HDAC9: variants seen among roughly 807,000 people sequenced by gnomAD.
HDAC9 encodes the protein MEF-2 interacting transcription repressor (MITR) protein.
A neutral mutation model predicts 139.4 loss-of-function variants in HDAC9; 41 were observed. The ratio of observed to expected loss-of-function variants is 0.29; its 90% CI spans 0.23 to 0.38. The LOEUF is 0.38. Ranked by LOEUF, HDAC9 falls within the 10% of genes least tolerant of loss-of-function variation. The pLI is 1.00. For synonymous variants in HDAC9, 517 were observed against 476.2 expected (o/e 1.09, Z -1.12); for missense variants, 1,147 against 1,297.0 (o/e 0.88, Z 1.78).
chr7:18,449,095 C>A (rs1792560398), intron 1 of HDAC9, among the ~76,000 whole-genome samples: 1 of 152,024 alleles, frequency 6.6e-6, no homozygotes, highest in South Asian at 2.1e-4. Context: ...CGTATGTATA[C>A]CTTAAGACCC....
intron 1 of HDAC9, among the ~76,000 whole-genome samples, chr7:18,350,321 G>T (rs762287826): frequency 1.3e-5 from 2 of 152,238 alleles, no homozygotes; most frequent in East Asian, 3.9e-4. Flanking sequence ...TGAAAAAAAT[G>T]GATTCAGGAG....
chr7:18,684,379 C>G (rs570467870), intron 12 of HDAC9, among the ~76,000 whole-genome samples: 1 of 151,878 alleles, frequency 6.6e-6, no homozygotes, highest in Non-Finnish European at 1.5e-5. Flanking sequence ...GTGGCTCACA[C>G]CTACAATCCC....
At position 18,824,044 on chromosome 7, in the gene HDAC9, G is replaced by GGAGGAAGAAGAA. The variant is rs1554367874; in HGVS notation, c.2323-5115_2323-5114insGGAAGAAGAAGA. Among the ~76,000 whole-genome samples the GGAGGAAGAAGAA allele has an allele frequency of 6.8e-4, 46 of 67,182 alleles. 1 individual carries two copies. The highest frequency in any genetic ancestry group is 3.4e-3 in the South Asian group (3 of 870). 44.1% of individuals were successfully genotyped at this position (67,182 alleles called of 152,430 possible). A position where few individuals can be genotyped will look rare whatever the true frequency, so the allele number is the denominator to read the frequency against. ...AAGAAGAGGAAGAGGAAGAGGAAGA[G>GGAGGAAGAAGAA]GAAGAAGAAGAAGAAGAAGAAGAAG... On this transcript the variant is annotated intron_variant, in intron 17 of 25. Transcript: ENST00000686413.
At chr7:18,315,025 C>G (rs1463464966) in intron 1 of HDAC9, among the ~76,000 whole-genome samples, 1 of 152,114 alleles carries the variant, frequency 6.6e-6, no homozygotes, top group African/African-American at 2.4e-5. Context: ...AGTACATGAA[C>G]TAAATAATAT....
intron 2 of HDAC9, among the ~76,000 whole-genome samples, chr7:18,571,961 A>C (rs950270210): frequency 2.7e-5 from 4 of 150,594 alleles, no homozygotes; most frequent in African/African-American, 9.8e-5. Context: ...GGCATGAACC[A>C]ATGAAACTTT....
At chr7:18,625,993 A>C (rs1841605144) in intron 6 of HDAC9, among the ~76,000 whole-genome samples, 1 of 151,302 alleles carries the variant, frequency 6.6e-6, no homozygotes, top group Non-Finnish European at 1.5e-5. Context: ...GGACTATATT[A>C]ATCAGGATCC....
chr7:18,614,211 C>A (rs1837967848), intron 6 of HDAC9, among the ~76,000 whole-genome samples: 1 of 152,116 alleles, frequency 6.6e-6, no homozygotes, highest in Non-Finnish European at 1.5e-5. Flanking sequence ...TAAACTTCAA[C>A]CTTTTCATAG....
chr7:18,319,013 A>G (rs1242429468), intron 1 of HDAC9, among the ~76,000 whole-genome samples: 1 of 152,108 alleles, frequency 6.6e-6, no homozygotes, highest in African/African-American at 2.4e-5. Flanking sequence ...TTTCCGGGGG[A>G]TTCCTCTGTA....
At chr7:18,528,210 T>C (rs926588770) in intron 2 of HDAC9, among the ~76,000 whole-genome samples, 7 of 150,774 alleles carry the variant, frequency 4.6e-5, no homozygotes, top group African/African-American at 1.7e-4. Flanking sequence ...GGTGGGAGGA[T>C]TGGGGAGGTC....
In HDAC9 at chr7:18,532,918, T is replaced by C. The variant is rs74686112; in HGVS notation, c.22+36594T>C. ...CACTATGCATTGTTTTCTCAGCCTGTGAGATGAGGAGGTTCCCCTGTACCC... is the reference window on the plus strand; with the variant it reads ...CACTATGCATTGTTTTCTCAGCCTGCGAGATGAGGAGGTTCCCCTGTACCC... On this transcript the variant is annotated intron_variant, in intron 2 of 25. Transcript: ENST00000686413. 6.1e-3 allele frequency among the ~76,000 whole-genome samples: 936 copies of C among 152,208 alleles called. 7 individuals are homozygous for C. Among genetic ancestry groups the C allele is most frequent in the African/African-American group, 0.022 (906 of 41,546 alleles).
chr7:18,898,226 C>A (rs1801390467), intron 22 of HDAC9, among the ~76,000 whole-genome samples: 1 of 151,646 alleles, frequency 6.6e-6, no homozygotes, highest in Non-Finnish European at 1.5e-5. Context: ...GACACATACA[C>A]AATTATGACA....
At chr7:18,877,636 T>C (rs1799419032) in intron 22 of HDAC9, among the ~76,000 whole-genome samples, 1 of 152,188 alleles carries the variant, frequency 6.6e-6, no homozygotes, top group Admixed American at 6.5e-5. Flanking sequence ...TTTTGTTTGC[T>C]ATCTCTGAAA....
chr7:18,397,054 A>G (rs1392116333), intron 1 of HDAC9, among the ~76,000 whole-genome samples: 2 of 152,066 alleles, frequency 1.3e-5, no homozygotes, highest in Non-Finnish European at 2.9e-5. Context: ...GTCGACTCCT[A>G]TCTTTAGGCA....
chr7:18,875,918 G>A (rs1799288130), intron 22 of HDAC9, among the ~76,000 whole-genome samples: 1 of 152,086 alleles, frequency 6.6e-6, no homozygotes, highest in Non-Finnish European at 1.5e-5. Flanking sequence ...AATACCTAGC[G>A]AAGAAAGAAG....
intron 2 of HDAC9, among the ~76,000 whole-genome samples, chr7:18,279,474 T>C (rs1393069918): frequency 2.0e-5 from 3 of 151,742 alleles, no homozygotes; most frequent in African/African-American, 7.3e-5. Context: ...GTATTTACTT[T>C]TTTTTTGAGG....
intron 2 of HDAC9, among the ~76,000 whole-genome samples, chr7:18,276,255 C>T (rs1398110826): frequency 6.6e-6 from 1 of 152,114 alleles, no homozygotes; most frequent in Non-Finnish European, 1.5e-5. Context: ...CAGGTGTGCA[C>T]ATTGAATAGG....
At chr7:18,662,084 C>T (rs144633383) in intron 11 of HDAC9, among the ~76,000 whole-genome samples, 75 of 152,186 alleles carry the variant, frequency 4.9e-4, no homozygotes, top group African/African-American at 1.3e-3. Flanking sequence ...AACTTGCTAA[C>T]GATGGGAAAT....
intron 12 of HDAC9, chr7:18,667,992 G>A: frequency 2.1e-6 from 2 of 970,910 alleles, no homozygotes; most frequent in Non-Finnish European, 2.4e-6. Context: ...CTAAATCCGA[G>A]GTATTTCAAG....
At chr7:18,310,400 A>G (rs192731875) in intron 1 of HDAC9, among the ~76,000 whole-genome samples, 1 of 152,256 alleles carries the variant, frequency 6.6e-6, no homozygotes, top group Admixed American at 6.5e-5. Flanking sequence ...CATTTTAGCA[A>G]TATGTGTGTC....
Sources: gnomAD v4.1 joint callset for allele counts (sites outside exome capture counted in the v4.1 genomes callset) on GRCh38, gnomAD v4.1.1 for gene constraint, MANE v1.5 for transcripts, NCBI Gene and HGNC (gene_info 2026-07-23, HGNC 2026-07-21) for gene names.